Variants in NFIB observed in about 807,000 individuals in gnomAD.
The protein encoded by NFIB is nuclear factor I B.
A neutral mutation model predicts 61.5 loss-of-function variants in NFIB; 11 were observed. The ratio of observed to expected loss-of-function variants is 0.18; its 90% CI spans 0.11 to 0.30. NFIB has a LOEUF of 0.30. Ranked by LOEUF, NFIB falls within the 10% of genes least tolerant of loss-of-function variation. The probability of loss-of-function intolerance (pLI) is 1.00; values close to 1 mark genes in which losing one functional copy is unlikely to be tolerated. For missense variants in NFIB, 471 were observed against 608.9 expected (o/e 0.77, Z 2.38); for synonymous variants, 260 against 216.5 (o/e 1.20, Z -1.76).
intron 4 of NFIB, among the ~76,000 whole-genome samples, chr9:14,154,732 G>A (rs555661174): frequency 6.6e-5 from 10 of 152,172 alleles, no homozygotes; most frequent in South Asian, 2.1e-4. Context: ...GATCTTAAAC[G>A]TTCATATGTA....
chr9:14,203,487 T>C (rs1282832515), intron 2 of NFIB, among the ~76,000 whole-genome samples: 1 of 152,226 alleles, frequency 6.6e-6, no homozygotes, highest in African/African-American at 2.4e-5. Context: ...TTATAAGATA[T>C]TTCTGGACTG....
chr9:14,329,325 C>T (rs1341124058), intron 1 of NFIB, among the ~76,000 whole-genome samples: 2 of 152,128 alleles, frequency 1.3e-5, no homozygotes, highest in East Asian at 1.9e-4. Flanking sequence ...CTTCTGTGTG[C>T]CAGTATGAGC....
At chr9:14,197,442 T>C (rs1460098584) in intron 2 of NFIB, among the ~76,000 whole-genome samples, 2 of 152,214 alleles carry the variant, frequency 1.3e-5, no homozygotes, top group East Asian at 1.9e-4. Context: ...AATTGAGTTA[T>C]TTGCAAATGG....
intron 2 of NFIB, among the ~76,000 whole-genome samples, chr9:14,273,109 G>A (rs1284795851): frequency 6.6e-6 from 1 of 152,152 alleles, no homozygotes; most frequent in Admixed American, 6.5e-5. Flanking sequence ...TAACGAGCCA[G>A]CAATGCTACA....
chr9:14,083,093 TATTAA>T lies in NFIB; in HGVS notation c.*5211_*5215del, dbSNP rs918850209. 38 of 72,204 alleles carry T rather than the reference TATTAA, an allele frequency of 5.3e-4. No individual in the cohort carries two copies. The African/African-American group carries it at 5.4e-3, about 10-fold the overall frequency. 4.5% of individuals were successfully genotyped at this position (72,204 alleles called of 1,614,324 possible). A position where few individuals can be genotyped will look rare whatever the true frequency, so the allele number is the denominator to read the frequency against. ...AGTATTAACTAGTGAACCCTTTTAT[TATTAA>T]AAAAAAAAAAAAACTACTTACAACC... On this transcript the variant is annotated 3_prime_UTR_variant, in exon 11 of 11. Coordinates refer to ENST00000380953, the MANE Select transcript of NFIB (RefSeq NM_001190737.2).
chr9:14,187,004 C>CGTGTGTGT (rs2047403895), intron 2 of NFIB, among the ~76,000 whole-genome samples: 1 of 75,178 alleles, frequency 1.3e-5, no homozygotes, highest in African/African-American at 3.3e-5. Context: ...ATTCTTCGCT[C>CGTGTGTGT]CTGTGTGTGT....
upstream of NFIB, among the ~76,000 whole-genome samples, chr9:14,399,288 G>C (rs34082819): frequency 1.1e-4 from 16 of 152,172 alleles, no homozygotes; most frequent in African/African-American, 3.9e-4. Context: ...CACTGGTCTA[G>C]ATAGTTGGAT....
At chr9:14,366,336 G>A (rs944036819) in intron 1 of NFIB, among the ~76,000 whole-genome samples, 5 of 152,090 alleles carry the variant, frequency 3.3e-5, no homozygotes, top group African/African-American at 9.7e-5. Flanking sequence ...TGTCTTCTCC[G>A]GGTGGTTATT....
chr9:14,476,325 C>G, the NFIB span, among the ~76,000 whole-genome samples: 1 of 150,574 alleles, frequency 6.6e-6, no homozygotes, highest in Non-Finnish European at 1.5e-5. Flanking sequence ...GTAAAAACAG[C>G]TCAATTTTTA....
the NFIB span, among the ~76,000 whole-genome samples, chr9:14,411,219 G>C: frequency 1.6e-4 from 24 of 152,304 alleles, no homozygotes; most frequent in African/African-American, 5.8e-4. Context: ...AGAAGTTTCA[G>C]TGGACACACA....
rs1407695 is a variant in NFIB, at chr9:14,277,514, C to A, written c.562+29475G>T. ...CAAGCATGTACTGTTTGGCAAGTAG[C>A]GACAATGGTCTAGTCTGAATTTAGT... On this transcript the variant is annotated intron_variant, in intron 2 of 10. Transcript: ENST00000380953. 2.1e-3 allele frequency among the ~76,000 whole-genome samples: 327 copies of A among 152,280 alleles called. 2 individuals are homozygous for A. Among genetic ancestry groups the A allele is most frequent in the African/African-American group, 7.6e-3 (314 of 41,568 alleles).
intron 3 of NFIB, among the ~76,000 whole-genome samples, chr9:14,173,361 T>G (rs1289601105): frequency 1.3e-5 from 2 of 152,192 alleles, no homozygotes; most frequent in Non-Finnish European, 2.9e-5. Context: ...TTCACAACTT[T>G]GAACTCCTAC....
intron 2 of NFIB, chr9:14,204,599 G>T: frequency 9.6e-7 from 1 of 1,041,926 alleles, no homozygotes. Flanking sequence ...GTTGGCCCGG[G>T]CGGAGAAGAA....
intron 3 of NFIB, among the ~76,000 whole-genome samples, 181 bp downstream of exon 3, chr9:14,179,546 G>A (rs2046529408): frequency 6.6e-6 from 1 of 152,156 alleles, no homozygotes; most frequent in Admixed American, 6.5e-5. Context: ...AAATACTGAT[G>A]ACGCCAATAT....
the NFIB span, among the ~76,000 whole-genome samples, chr9:14,420,793 C>A: frequency 1.3e-5 from 2 of 152,120 alleles, no homozygotes; most frequent in African/African-American, 4.8e-5. Flanking sequence ...AAACTTCCTA[C>A]CAGGGGAAAT....
chr9:14,193,751 A>G (rs2048198772), intron 2 of NFIB, among the ~76,000 whole-genome samples: 1 of 152,220 alleles, frequency 6.6e-6, no homozygotes, highest in South Asian at 2.1e-4. Context: ...CACATATGCA[A>G]ACAGTACCAA....
rs2032121133 is a variant in NFIB at position 14,082,515 on chromosome 9, G to C, written c.*5794C>G. On this transcript the variant is annotated 3_prime_UTR_variant, in exon 11 of 11. Coordinates refer to ENST00000380953, the MANE Select transcript of NFIB (RefSeq NM_001190737.2). ...GCAGCTTTGAGAAACCTATGCCTGG[G>C]ATGTAGTTACCCCTCACATTCTACA... The C allele has an allele frequency of 4.8e-6, 1 of 206,248 alleles. No individual in the cohort carries two copies. The highest frequency in any genetic ancestry group is 9.9e-6 in the Non-Finnish European group (1 of 100,734). The allele number at this position is 206,248 out of a possible 1,614,324, so 12.8% of individuals were successfully genotyped here.
the NFIB span, among the ~76,000 whole-genome samples, chr9:14,505,412 G>A: frequency 1.3e-5 from 2 of 152,142 alleles, no homozygotes; most frequent in African/African-American, 4.8e-5. Flanking sequence ...ATTTAATGAA[G>A]CTTGAGCTAC....
chr9:14,205,843 T>C (rs939533671), intron 2 of NFIB, among the ~76,000 whole-genome samples: 10 of 152,164 alleles, frequency 6.6e-5, no homozygotes, highest in African/African-American at 2.4e-4. Flanking sequence ...CTTAATTTTT[T>C]TAAGTCTCCA....
Sources: gnomAD v4.1 joint callset for allele counts (sites outside exome capture counted in the v4.1 genomes callset) on GRCh38, gnomAD v4.1.1 for gene constraint, MANE v1.5 for transcripts, NCBI Gene and HGNC (gene_info 2026-07-23, HGNC 2026-07-21) for gene names.